Variants in SLC25A31 observed in about 807,000 individuals in gnomAD.
SLC25A31 encodes the protein ADP/ATP translocase 4.
SLC25A31 carries 40 observed loss-of-function variants against 36.2 expected under a neutral mutation model. That is an observed-to-expected ratio of 1.10 (90% CI 0.86 to 1.44). The LOEUF is 1.44. Among genes scored for constraint, SLC25A31 ranks in the 40% most tolerant of loss-of-function variants. The pLI is 0.00. For synonymous variants in SLC25A31, 143 were observed against 149.7 expected, an observed-to-expected ratio of 0.96 and a Z score of 0.32; for missense variants, 350 against 397.1, an observed-to-expected ratio of 0.88 and a Z score of 1.01.
chr4:127,770,292 A>G (rs1174900877), intron 5 of SLC25A31, among the ~76,000 whole-genome samples: 2 of 152,244 alleles, frequency 1.3e-5, no homozygotes, highest in African/African-American at 2.4e-5. Context: ...TGATAACTGT[A>G]CTTTGGATAT....
chr4:127,741,493 A>G (rs1035031024), intron 1 of SLC25A31, among the ~76,000 whole-genome samples: 2 of 152,138 alleles, frequency 1.3e-5, no homozygotes, highest in African/African-American at 4.8e-5. Context: ...TTTGTCCTTC[A>G]TTCTGTTAAT....
At chr4:127,773,158 G>A (rs1278207227) in intron 5 of SLC25A31, among the ~76,000 whole-genome samples, 1 of 152,144 alleles carries the variant, frequency 6.6e-6, no homozygotes, top group African/African-American at 2.4e-5. Flanking sequence ...CATGGTCTAT[G>A]TGATGACATC....
intron 1 of SLC25A31, among the ~76,000 whole-genome samples, chr4:127,732,102 C>T (rs1445308230): frequency 6.6e-6 from 1 of 152,078 alleles, no homozygotes; most frequent in Non-Finnish European, 1.5e-5. Flanking sequence ...TTATATAATC[C>T]ACCCATATAG....
chr4:127,755,963 G>A (rs761349912), intron 2 of SLC25A31, among the ~76,000 whole-genome samples: 8 of 152,064 alleles, frequency 5.3e-5, no homozygotes, highest in Non-Finnish European at 1.0e-4. Context: ...AACCCAGGAG[G>A]TGGAGGTTGC....
intron 2 of SLC25A31, among the ~76,000 whole-genome samples, chr4:127,761,980 G>C (rs1418338426): frequency 1.3e-5 from 2 of 152,256 alleles, no homozygotes; most frequent in South Asian, 2.1e-4. Context: ...AATTATTTCT[G>C]TATGATGAGA....
At chr4:127,744,550 C>CTT in intron 1 of SLC25A31, 122 bp from the exon 2 acceptor site, 2 of 868,950 alleles carry the variant, frequency 2.3e-6, no homozygotes, top group Non-Finnish European at 3.2e-6. Context: ...TTTTAGAAAA[C>CTT]TTTATTTTTC....
At chr4:127,743,421 C>T (rs925383161) in intron 1 of SLC25A31, among the ~76,000 whole-genome samples, 5 of 152,172 alleles carry the variant, frequency 3.3e-5, no homozygotes, top group African/African-American at 1.2e-4. Context: ...CAGGCGTGAG[C>T]CACTGCACCT....
chr4:127,753,321 A>G (rs1043982175), intron 2 of SLC25A31, among the ~76,000 whole-genome samples: 4 of 142,816 alleles, frequency 2.8e-5, no homozygotes, highest in Non-Finnish European at 6.1e-5. Flanking sequence ...TGAAGGAAGG[A>G]AAAAAAAATC....
chr4:127,751,230 G>C (rs1731925209), intron 2 of SLC25A31, among the ~76,000 whole-genome samples: 2 of 152,102 alleles, frequency 1.3e-5, no homozygotes, highest in Admixed American at 1.3e-4. Context: ...CAGAGATATA[G>C]ACCAGTGGAA....
At chr4:127,764,641 C>T (rs1732205721) in intron 3 of SLC25A31, among the ~76,000 whole-genome samples, 2 of 151,862 alleles carry the variant, frequency 1.3e-5, no homozygotes. Flanking sequence ...AGATTTTTTT[C>T]CATGCACTTA....
chr4:127,739,697 C>G (rs956463733), intron 1 of SLC25A31, among the ~76,000 whole-genome samples: 2 of 151,978 alleles, frequency 1.3e-5, no homozygotes, highest in African/African-American at 4.8e-5. Context: ...TTTACTTTTT[C>G]TGTTTCAGGA....
chr4:127,759,972 G>C (rs1247728804), intron 2 of SLC25A31, among the ~76,000 whole-genome samples: 1 of 152,116 alleles, frequency 6.6e-6, no homozygotes, highest in Non-Finnish European at 1.5e-5. Flanking sequence ...ATGGAAAAAA[G>C]AATACTGTTT....
intron 2 of SLC25A31, among the ~76,000 whole-genome samples, chr4:127,746,568 C>T (rs922012388): frequency 4.6e-5 from 7 of 151,900 alleles, no homozygotes; most frequent in African/African-American, 1.5e-4. Context: ...GGTTGTTGGC[C>T]ACGTGTATGT....
chr4:127,732,596 T>A (rs1257686140), intron 1 of SLC25A31, among the ~76,000 whole-genome samples: 3 of 152,228 alleles, frequency 2.0e-5, no homozygotes, highest in African/African-American at 7.2e-5. Context: ...TAGTGCTAAT[T>A]TATTTCATAT....
At chr4:127,750,904 C>T (rs542178135) in intron 2 of SLC25A31, among the ~76,000 whole-genome samples, 1 of 151,990 alleles carries the variant, frequency 6.6e-6, no homozygotes, top group Non-Finnish European at 1.5e-5. Flanking sequence ...CCATATTTAT[C>T]AATAACTTAA....
intron 1 of SLC25A31, among the ~76,000 whole-genome samples, chr4:127,732,228 C>CA (rs1731539513): frequency 6.6e-6 from 1 of 152,188 alleles, no homozygotes; most frequent in Admixed American, 6.5e-5. Flanking sequence ...TAGTCCTGTT[C>CA]TAGGGCCAGA....
chr4:127,748,645 T>A (rs1429843990), intron 2 of SLC25A31, among the ~76,000 whole-genome samples: 1 of 152,120 alleles, frequency 6.6e-6, no homozygotes, highest in Non-Finnish European at 1.5e-5. Context: ...CTCACTACAG[T>A]TTTTGGTTAG....
chr4:127,762,170 C>T (rs1359696229), intron 2 of SLC25A31, among the ~76,000 whole-genome samples: 2 of 152,092 alleles, frequency 1.3e-5, no homozygotes, highest in Non-Finnish European at 2.9e-5. Context: ...ATCTTGGCCT[C>T]AAACAAATGG....
chr4:127,732,614 G>A (rs1315047013), intron 1 of SLC25A31, among the ~76,000 whole-genome samples: 1 of 152,098 alleles, frequency 6.6e-6, no homozygotes, highest in African/African-American at 2.4e-5. Flanking sequence ...TATTTTAAAT[G>A]TTTTTCACAA....
Sources: gnomAD v4.1 joint callset for allele counts (sites outside exome capture counted in the v4.1 genomes callset) on GRCh38, gnomAD v4.1.1 for gene constraint, MANE v1.5 for transcripts, NCBI Gene and HGNC (gene_info 2026-07-23, HGNC 2026-07-21) for gene names.